KIF11: variants seen among roughly 807,000 people sequenced by gnomAD.
KIF11 encodes kinesin family member 11, also known as kinesin-like protein KIF11.
Under a neutral mutation model 121.0 loss-of-function variants are expected in KIF11, and 9 were observed. The observed-to-expected ratio is 0.07, with a 90% confidence interval of 0.04 to 0.13. The LOEUF is 0.13. Among genes scored for constraint, KIF11 ranks in the 10% least tolerant of loss-of-function variants. The probability of loss-of-function intolerance (pLI) is 1.00; values close to 1 mark genes in which losing one functional copy is unlikely to be tolerated. For synonymous variants in KIF11, 408 were observed against 421.0 expected (o/e 0.97, Z 0.38); for missense variants, 846 against 1,217.5 (o/e 0.69, Z 4.54).
intron 19 of KIF11, 41 bp from the exon 20 acceptor site, chr10:92,649,794 T>G (rs1844960535): frequency 7.1e-7 from 1 of 1,399,612 alleles, no homozygotes; most frequent in African/African-American, 1.4e-5. Flanking sequence ...TATTTACATC[T>G]CATACTTTAA....
intron 1 of KIF11, among the ~76,000 whole-genome samples, chr10:92,600,536 TCTCG>T (rs752080287): frequency 5.9e-5 from 9 of 152,090 alleles, no homozygotes; most frequent in African/African-American, 1.4e-4. Context: ...TGAGACAGAC[TCTCG>T]CTCTGTCACC....
At chr10:92,599,887 G>T (rs1177394842) in intron 1 of KIF11, among the ~76,000 whole-genome samples, 2 of 149,292 alleles carry the variant, frequency 1.3e-5, no homozygotes, top group African/African-American at 2.5e-5. Flanking sequence ...TCTTGACCTC[G>T]TGATCCACCT....
chr10:92,633,432 T>C (rs997815573), intron 13 of KIF11, among the ~76,000 whole-genome samples, 191 bp from the exon 14 acceptor site: 2 of 152,206 alleles, frequency 1.3e-5, no homozygotes, highest in African/African-American at 4.8e-5. Context: ...GTTAAGGGCT[T>C]ACAGAGCACT....
intron 12 of KIF11, among the ~76,000 whole-genome samples, chr10:92,631,566 T>A (rs1374095952): frequency 2.0e-5 from 3 of 150,526 alleles, no homozygotes; most frequent in Non-Finnish European, 4.4e-5. Flanking sequence ...TTTCACCTTG[T>A]TAGCCAGGAT....
rs759183449 is a variant in KIF11 at position 92,648,439 on chromosome 10, T to C, written c.2770+5T>C. On this transcript the variant is annotated splice_donor_5th_base_variant and intron_variant, in intron 19 of 21. Coordinates refer to ENST00000260731, the MANE Select transcript of KIF11 (RefSeq NM_004523.4). ...TGAAACTGGATATCCCAACAGGTACTTTAAAAGAGAAATAGAATTGTTAAA... is the reference window on the plus strand; with the variant it reads ...TGAAACTGGATATCCCAACAGGTACCTTAAAAGAGAAATAGAATTGTTAAA... The C allele has an allele frequency of 1.3e-6, 2 of 1,541,166 alleles. No individual in the cohort carries two copies. Among genetic ancestry groups the C allele is most frequent in the Non-Finnish European group, 1.8e-6 (2 of 1,133,644 alleles).
At chr10:92,627,511 T>A (rs1223897877) in intron 10 of KIF11, among the ~76,000 whole-genome samples, 1 of 152,218 alleles carries the variant, frequency 6.6e-6, no homozygotes, top group Non-Finnish European at 1.5e-5. Flanking sequence ...TATAGCATCC[T>A]TTTATTTTAT....
chr10:92,641,421 T>G (rs1844865202), intron 17 of KIF11, among the ~76,000 whole-genome samples: 1 of 152,224 alleles, frequency 6.6e-6, no homozygotes. Context: ...CCTTCATTCC[T>G]GAAAGGTATT....
intron 17 of KIF11, among the ~76,000 whole-genome samples, chr10:92,643,677 C>T (rs1283744346): frequency 6.6e-6 from 1 of 151,718 alleles, no homozygotes; most frequent in Admixed American, 6.6e-5. Context: ...CTGCCTCAGC[C>T]TCCCAAGTAG....
At chr10:92,627,307 TACTC>T (rs1170535045) in intron 10 of KIF11, among the ~76,000 whole-genome samples, 4 of 152,206 alleles carry the variant, frequency 2.6e-5, no homozygotes, top group Admixed American at 1.3e-4. Context: ...AACTGACTAA[TACTC>T]AAGAAATCAG....
chr10:92,637,032 C>CAAAAAAAAAAAAAAAAAAAAAAAAAAA (rs66987236), intron 14 of KIF11, 152 bp from the exon 15 acceptor site: 1 of 346,760 alleles, frequency 2.9e-6, no homozygotes. Context: ...GACTCCGTCT[C>CAAAAAAAAAAAAAAAAAAAAAAAAAAA]AAAAAAAAAA....
chr10:92,601,243 C>T (rs1438850104), intron 1 of KIF11, among the ~76,000 whole-genome samples: 1 of 151,964 alleles, frequency 6.6e-6, no homozygotes, highest in Non-Finnish European at 1.5e-5. Context: ...CTCTGTTGCC[C>T]AGGCTGGAAT....
Position 92,606,605 on chromosome 10 carries a change from A to AT in KIF11, c.211-7dup, listed in dbSNP as rs774001058. On this transcript the variant is annotated splice_polypyrimidine_tract_variant and intron_variant, in intron 2 of 21. Coordinates refer to ENST00000260731, the MANE Select transcript of KIF11 (RefSeq NM_004523.4). ...TTTGAGGTTGATTTTTTTTTTTTTA[A>AT]TTTTTTTCGTTAGGTGTTTGGAGCA... 3 of 1,447,962 alleles carry AT rather than the reference A, an allele frequency of 2.1e-6. No individual in the cohort carries two copies. Among genetic ancestry groups the AT allele is most frequent in the African/African-American group, 1.5e-5 (1 of 68,798 alleles). The allele number at this position is 1,447,962 out of a possible 1,614,324, so 89.7% of individuals were successfully genotyped here.
At chr10:92,597,909 C>G (rs182967828) in intron 1 of KIF11, among the ~76,000 whole-genome samples, 100 of 151,866 alleles carry the variant, frequency 6.6e-4, no homozygotes, top group African/African-American at 2.2e-3. Flanking sequence ...CCCTGGCCTC[C>G]CAAAGTACTG....
intron 8 of KIF11, among the ~76,000 whole-genome samples, chr10:92,615,142 G>A (rs1310643270): frequency 6.6e-6 from 1 of 152,020 alleles, no homozygotes; most frequent in Non-Finnish European, 1.5e-5. Flanking sequence ...GGTGGCTTAC[G>A]CCTGTAATCC....
intron 4 of KIF11, among the ~76,000 whole-genome samples, chr10:92,608,458 A>ATTTC (rs1844455359): frequency 2.7e-5 from 4 of 150,380 alleles, no homozygotes; most frequent in African/African-American, 9.8e-5. Flanking sequence ...TTTTTTTTTG[A>ATTTC]GACGGAGTCT....
chr10:92,637,673 A>G (rs887795309), intron 16 of KIF11, 128 bp downstream of exon 16: 3 of 837,446 alleles, frequency 3.6e-6, no homozygotes, highest in Non-Finnish European at 5.5e-6. Flanking sequence ...TACCATAGCC[A>G]CTGTTGCTTA....
intron 1 of KIF11, among the ~76,000 whole-genome samples, chr10:92,601,403 G>C (rs1844369657): frequency 1.3e-5 from 2 of 149,518 alleles, no homozygotes; most frequent in South Asian, 4.3e-4. Flanking sequence ...TAGAGACGGG[G>C]TTTCGCCGTT....
At chr10:92,602,306 T>C (rs1217469938) in intron 1 of KIF11, among the ~76,000 whole-genome samples, 2 of 152,206 alleles carry the variant, frequency 1.3e-5, no homozygotes, top group Admixed American at 6.5e-5. Flanking sequence ...CTTTGCCAGA[T>C]TTTTTCTGGG....
At chr10:92,600,705 C>T (rs1844359409) in intron 1 of KIF11, among the ~76,000 whole-genome samples, 1 of 151,798 alleles carries the variant, frequency 6.6e-6, no homozygotes, top group Admixed American at 6.6e-5. Flanking sequence ...CAGGGTTTCA[C>T]TATGTTGGCA....
Sources: gnomAD v4.1 joint callset for allele counts (sites outside exome capture counted in the v4.1 genomes callset) on GRCh38, gnomAD v4.1.1 for gene constraint, MANE v1.5 for transcripts, NCBI Gene and HGNC (gene_info 2026-07-23, HGNC 2026-07-21) for gene names.